Variants in BTBD9 observed in about 807,000 individuals in gnomAD.
The protein encoded by BTBD9 is BTB/POZ domain-containing protein 9.
A neutral mutation model predicts 64.3 loss-of-function variants in BTBD9; 49 were observed. The observed-to-expected ratio is 0.76, with a 90% CI of 0.61 to 0.97. The LOEUF is 0.97. BTBD9 is among the 50% of genes least tolerant of loss of function. BTBD9 has a pLI of 0.00. For synonymous variants in BTBD9, 260 were observed against 274.7 expected (o/e 0.95, Z 0.53); for missense variants, 598 against 762.1 (o/e 0.78, Z 2.53).
chr6:38,280,251 C>T (rs1327928992), intron 8 of BTBD9, among the ~76,000 whole-genome samples: 1 of 152,184 alleles, frequency 6.6e-6, no homozygotes, highest in Non-Finnish European at 1.5e-5. Context: ...TCAGCACCTA[C>T]TGGGAACCAT....
At chr6:38,638,960 TCAA>T (rs1473769708) in intron 1 of BTBD9, among the ~76,000 whole-genome samples, 3 of 152,146 alleles carry the variant, frequency 2.0e-5, no homozygotes. Context: ...TCTCCCATCA[TCAA>T]CACTTTCCGC....
chr6:38,596,682 T>TCCC (rs1008771861), intron 2 of BTBD9, among the ~76,000 whole-genome samples: 9 of 151,802 alleles, frequency 5.9e-5, no homozygotes, highest in Non-Finnish European at 1.2e-4. Context: ...GCGCCCGTAG[T>TCCC]CCCAGCTACT....
At chr6:38,609,544 A>G (rs756005637) in intron 1 of BTBD9, among the ~76,000 whole-genome samples, 3 of 152,166 alleles carry the variant, frequency 2.0e-5, no homozygotes, top group Non-Finnish European at 2.9e-5. Flanking sequence ...CTTCACCTAC[A>G]GTGTGGGAGA....
intron 6 of BTBD9, among the ~76,000 whole-genome samples, chr6:38,416,933 TG>T (rs1403509490): frequency 1.3e-5 from 2 of 152,114 alleles, no homozygotes; most frequent in Admixed American, 6.6e-5. Flanking sequence ...GGTTTTGTTT[TG>T]TTTTGTTGTT....
At chr6:38,316,557 A>C (rs2127573690) in intron 7 of BTBD9, among the ~76,000 whole-genome samples, 1 of 152,340 alleles carries the variant, frequency 6.6e-6, no homozygotes, top group African/African-American at 2.4e-5. Context: ...CAAACAAGAA[A>C]AAAGAAGACT....
chr6:38,210,536 T>TTGTGTGTG lies in BTBD9; in HGVS notation c.1563-17947_1563-17940dup, dbSNP rs71542165. ...AGTGGTGGTGGGAGAGTGCGTGTGT[T>TTGTGTGTG]TGTGTGTGTGTGTGTGTGTGTGTGT... is the stretch of plus-strand genomic sequence containing the variant. On this transcript the variant is annotated intron_variant, in intron 9 of 10. Transcript: ENST00000481247. Among the ~76,000 whole-genome samples the TTGTGTGTG allele has an allele frequency of 9.0e-3, 1,319 of 146,434 alleles. 23 individuals are homozygous for TTGTGTGTG. The highest frequency in any genetic ancestry group is 0.028 in the African/African-American group (1,112 of 39,230).
At chr6:38,595,844 C>T in intron 2 of BTBD9, 1 of 985,348 alleles carries the variant, frequency 1.0e-6, no homozygotes, top group South Asian at 4.7e-5. Context: ...CCAACCATTA[C>T]CCTAAAATTA....
intron 1 of BTBD9, among the ~76,000 whole-genome samples, chr6:38,625,355 T>C (rs1446457130): frequency 6.6e-6 from 1 of 152,210 alleles, no homozygotes; most frequent in East Asian, 1.9e-4. Flanking sequence ...GCATTTAACC[T>C]ATAACACACT....
In BTBD9 at chr6:38,266,626, GAAAGAAAGAAA is replaced by G. The variant is rs1764998752; in HGVS notation, c.1455-10121_1455-10111del. On this transcript the variant is annotated intron_variant, in intron 8 of 10. Transcript: ENST00000481247. Reference sequence around the variant, plus strand: ...GAAAGGAAAGAAAGAAAGAAAGAAAGAAAGAAAGAAAGAAAGAAAGAAAGAAAGAAAGAAAG... The same window carrying G: ...GAAAGGAAAGAAAGAAAGAAAGAAAGGAAAGAAAGAAAGAAAGAAAGAAAG... Among the ~76,000 whole-genome samples the G allele has an allele frequency of 2.9e-4, 16 of 54,622 alleles. 1 individual carries two copies. The highest frequency in any genetic ancestry group is 1.4e-3 in the African/African-American group (15 of 10,784). 35.8% of individuals were successfully genotyped at this position (54,622 alleles called of 152,430 possible).
intron 8 of BTBD9, among the ~76,000 whole-genome samples, chr6:38,275,519 G>C (rs1176823539): frequency 6.6e-6 from 1 of 150,630 alleles, no homozygotes. Flanking sequence ...AAACTAAAGA[G>C]CTTCTGCACA....
At chr6:38,454,500 A>G (rs1170179084) in intron 6 of BTBD9, among the ~76,000 whole-genome samples, 1 of 146,284 alleles carries the variant, frequency 6.8e-6, no homozygotes, top group Non-Finnish European at 1.5e-5. Context: ...ATTATCTTAA[A>G]TATAATATAA....
chr6:38,339,873 T>A (rs919495846), intron 7 of BTBD9, among the ~76,000 whole-genome samples: 5 of 152,220 alleles, frequency 3.3e-5, no homozygotes, highest in Non-Finnish European at 5.9e-5. Context: ...CAGAGAATCG[T>A]TGCAAGTGAC....
intron 1 of BTBD9, among the ~76,000 whole-genome samples, chr6:38,602,485 A>G (rs1777287068): frequency 6.6e-6 from 1 of 152,154 alleles, no homozygotes; most frequent in African/African-American, 2.4e-5. Flanking sequence ...ATAGTGAAAT[A>G]TCTTGTTTAA....
intron 6 of BTBD9, among the ~76,000 whole-genome samples, chr6:38,399,918 A>ATT (rs562182320): frequency 8.7e-4 from 122 of 140,758 alleles, no homozygotes; most frequent in African/African-American, 2.2e-3. Flanking sequence ...TGCCCAGCTA[A>ATT]TTTTTTTTTT....
At chr6:38,195,700 T>C (rs1762253874) in intron 9 of BTBD9, among the ~76,000 whole-genome samples, 1 of 152,152 alleles carries the variant, frequency 6.6e-6, no homozygotes, top group African/African-American at 2.4e-5. Flanking sequence ...TCTATACACA[T>C]ACGTATTATT....
chr6:38,488,489 C>T (rs1582515021), intron 6 of BTBD9, among the ~76,000 whole-genome samples: 1 of 152,156 alleles, frequency 6.6e-6, no homozygotes, highest in East Asian at 1.9e-4. Context: ...CACCCAGGGA[C>T]GAGGCAGTGA....
chr6:38,581,248 A>T (rs1181091063), intron 4 of BTBD9, among the ~76,000 whole-genome samples: 2 of 152,250 alleles, frequency 1.3e-5, no homozygotes, highest in Non-Finnish European at 2.9e-5. Flanking sequence ...TGTACCTGCC[A>T]TCTGGACTGA....
chr6:38,554,154 C>G (rs1337769507), intron 6 of BTBD9, among the ~76,000 whole-genome samples: 1 of 152,126 alleles, frequency 6.6e-6, no homozygotes, highest in East Asian at 1.9e-4. Context: ...ATATGAGCTA[C>G]ATGATTTGCC....
chr6:38,462,720 G>T (rs779186142), intron 6 of BTBD9, among the ~76,000 whole-genome samples: 63 of 152,160 alleles, frequency 4.1e-4, no homozygotes, highest in Admixed American at 1.7e-3. Flanking sequence ...ATAAATATGG[G>T]GGAGACCCAA....
Sources: gnomAD v4.1 joint callset for allele counts (sites outside exome capture counted in the v4.1 genomes callset) on GRCh38, gnomAD v4.1.1 for gene constraint, MANE v1.5 for transcripts, NCBI Gene and HGNC (gene_info 2026-07-23, HGNC 2026-07-21) for gene names.